Variants in KANTR observed in about 807,000 individuals in gnomAD.
The protein encoded by KANTR is KANTR integral membrane protein.
chrX:53,144,593 G>T (rs1244602510), downstream of KANTR, among the ~76,000 whole-genome samples: 1 of 111,278 alleles, frequency 9.0e-6, no homozygotes, highest in Non-Finnish European at 1.9e-5. Flanking sequence ...CTACTTGGGA[G>T]GCTGAGGCAG....
downstream of KANTR, among the ~76,000 whole-genome samples, chrX:53,144,524 C>T (rs1351376059): frequency 1.8e-5 from 2 of 110,781 alleles, no homozygotes; most frequent in South Asian, 3.8e-4. Context: ...GGTGAAACCC[C>T]GTCTCTCCTA....
downstream of KANTR, among the ~76,000 whole-genome samples, chrX:53,129,235 T>TGTGTGTGTGTGTGTGTGTGTG (rs1933330092): frequency 4.8e-5 from 4 of 83,373 alleles, no homozygotes; most frequent in African/African-American, 1.7e-4. Flanking sequence ...GCCTGGCTAT[T>TGTGTGTGTGTGTGTGTGTGTG]TGTGTGTGTG....
intron 1 of KANTR, among the ~76,000 whole-genome samples, chrX:53,097,356 T>TTTTTTG (rs782510192): frequency 0.035 from 3,072 of 86,838 alleles, 108 homozygotes; most frequent in Non-Finnish European, 0.059. Context: ...TTAAGTTTTT[T>TTTTTTG]TTTTTTTTTT....
intron 2 of KANTR, among the ~76,000 whole-genome samples, chrX:53,134,686 ATATC>A (rs1933400475): frequency 8.9e-6 from 1 of 112,004 alleles, no homozygotes; most frequent in African/African-American, 3.2e-5. Flanking sequence ...TCACATTGGA[ATATC>A]TGCCTATGAG....
At chrX:53,145,946 T>C (rs1933570303), downstream of KANTR, among the ~76,000 whole-genome samples, 1 of 112,014 alleles carries the variant, frequency 8.9e-6, no homozygotes, top group Admixed American at 9.5e-5. Context: ...GTCCTGATTG[T>C]TAGAAGGAAA....
chrX:53,103,417 G>A lies in KANTR; in HGVS notation c.-805+3809G>A, dbSNP rs140087380. ...ACTCCAGCAATCCCTCAATCCCACT[G>A]GGACTGAACATTTTCACTCCCTTTC... On this transcript the variant is annotated intron_variant, in intron 2 of 2. Coordinates refer to ENST00000604062, the Ensembl canonical transcript of KANTR. 2.3e-3 allele frequency among the ~76,000 whole-genome samples: 252 copies of A among 110,997 alleles called. 1 individual carries two copies. Among genetic ancestry groups the A allele is most frequent in the Middle Eastern group, 4.6e-3 (1 of 217 alleles).
At chrX:53,113,728 T>A (rs1933079491) in intron 2 of KANTR, among the ~76,000 whole-genome samples, 1 of 106,480 alleles carries the variant, frequency 9.4e-6, no homozygotes, top group South Asian at 4.3e-4. Context: ...TACAGGCGCA[T>A]GCCACCATGC....
chrX:53,109,826 C>T (rs1188084821), intron 2 of KANTR, among the ~76,000 whole-genome samples: 2 of 106,997 alleles, frequency 1.9e-5, no homozygotes, highest in African/African-American at 6.8e-5. Context: ...ATGTTCTCAG[C>T]TCACTGCACC....
intron 2 of KANTR, among the ~76,000 whole-genome samples, chrX:53,105,207 CTGTT>C (rs1203269605): frequency 1.8e-5 from 2 of 111,666 alleles, no homozygotes; most frequent in South Asian, 3.8e-4. Flanking sequence ...AGCTATCAAA[CTGTT>C]TGCAAAAGTG....
intron 2 of KANTR, among the ~76,000 whole-genome samples, chrX:53,108,374 G>C (rs782577294): frequency 9.2e-6 from 1 of 108,234 alleles, no homozygotes; most frequent in Non-Finnish European, 1.9e-5. Context: ...GCTAATTTTT[G>C]TATTTTTAGT....
intron 2 of KANTR, among the ~76,000 whole-genome samples, chrX:53,122,605 A>G (rs1038724977): frequency 4.5e-5 from 5 of 111,551 alleles, no homozygotes; most frequent in Non-Finnish European, 9.4e-5. Context: ...AGCAAGTTCC[A>G]TCCTATTACT....
chrX:53,095,948 A>C (rs924299472), intron 1 of KANTR, among the ~76,000 whole-genome samples: 1 of 110,445 alleles, frequency 9.1e-6, no homozygotes, highest in African/African-American at 3.3e-5. Context: ...TGGCCACCTT[A>C]CTATTACTTG....
At chrX:53,112,025 T>C (rs781881093) in intron 2 of KANTR, among the ~76,000 whole-genome samples, 3 of 110,893 alleles carry the variant, frequency 2.7e-5, no homozygotes, top group East Asian at 5.7e-4. Context: ...GTTGGTTACA[T>C]GGGTAAATTC....
downstream of KANTR, among the ~76,000 whole-genome samples, chrX:53,144,934 T>G (rs1234463536): frequency 8.9e-6 from 1 of 111,851 alleles, no homozygotes; most frequent in Non-Finnish European, 1.9e-5. Context: ...GTTCTGTGTC[T>G]CAAGTACTTT....
At chrX:53,128,375 G>A (rs781901527), downstream of KANTR, among the ~76,000 whole-genome samples, 1 of 111,521 alleles carries the variant, frequency 9.0e-6, no homozygotes, top group African/African-American at 3.3e-5. Context: ...GACTGTGAGA[G>A]CCCCTAAGGA....
chrX:53,104,307 A>G lies in KANTR; in HGVS notation c.-805+4699A>G, dbSNP rs1556812335. On this transcript the variant is annotated intron_variant, in intron 2 of 2. Coordinates refer to ENST00000604062, the Ensembl canonical transcript of KANTR. ...AGTGGTACAATCTCGGCTCACTGCAACTTCTGTCTCCCGGGTTCAAGTGAT... is the reference window on the plus strand; with the variant it reads ...AGTGGTACAATCTCGGCTCACTGCAGCTTCTGTCTCCCGGGTTCAAGTGAT... Among the ~76,000 whole-genome samples, 3 of 110,329 alleles carry G rather than the reference A, an allele frequency of 2.7e-5. No homozygotes were observed. The East Asian group carries it at 8.5e-4, about 31-fold the overall frequency.
intron 2 of KANTR, among the ~76,000 whole-genome samples, chrX:53,117,501 A>G (rs1338832893): frequency 9.3e-6 from 1 of 107,133 alleles, no homozygotes; most frequent in African/African-American, 3.4e-5. Flanking sequence ...TTTTTGATAT[A>G]TGGGATTTTT....
At chrX:53,140,225 G>A (rs1198904763) in intron 2 of KANTR, among the ~76,000 whole-genome samples, 2 of 111,830 alleles carry the variant, frequency 1.8e-5, no homozygotes, top group African/African-American at 3.3e-5. Flanking sequence ...GGCCAGGTGC[G>A]GTGGCTCACG....
At position 53,121,371 on chromosome X, in the gene KANTR, A is replaced by C. The variant is rs1042138807; in HGVS notation, c.-804-2098A>C. Among the ~76,000 whole-genome samples, 37 of 112,264 alleles carry C rather than the reference A, an allele frequency of 3.3e-4. 1 individual carries two copies. Among genetic ancestry groups the C allele is most frequent in the African/African-American group, 1.2e-3 (36 of 30,936 alleles). ...TTTACAGAAAAGTTAGTTAAGAGAT[A>C]GTACAGAGAGTTTCTGTATATTCCT... On this transcript the variant is annotated intron_variant, in intron 2 of 2. Transcript: ENST00000604062.
Sources: gnomAD v4.1 joint callset for allele counts (sites outside exome capture counted in the v4.1 genomes callset) on GRCh38, gnomAD v4.1.1 for gene constraint, MANE v1.5 for transcripts, NCBI Gene and HGNC (gene_info 2026-07-23, HGNC 2026-07-21) for gene names.